The following FGF6 variants were observed in gnomAD, a reference collection of about 807,000 sequenced individuals.
FGF6 encodes the protein FGF-6.
In FGF6, 14 loss-of-function variants were observed where a neutral mutation model predicts 18.4. That is an observed-to-expected ratio of 0.76 (90% CI 0.50 to 1.19). The LOEUF is 1.19. Ranked by LOEUF, FGF6 falls within the 50% of genes most tolerant of loss-of-function variation. FGF6 has a pLI of 0.00. For synonymous variants in FGF6, 125 were observed against 116.7 expected, an observed-to-expected ratio of 1.07 and a Z score of -0.46; for missense variants, 266 against 271.6, an observed-to-expected ratio of 0.98 and a Z score of 0.15.
intron 2 of FGF6, among the ~76,000 whole-genome samples, chr12:4,443,436 G>T (rs368824352): frequency 4.6e-5 from 7 of 152,324 alleles, no homozygotes; most frequent in African/African-American, 1.7e-4. Context: ...ATGATGGGCC[G>T]AGGGCTGCAG....
intron 2 of FGF6, among the ~76,000 whole-genome samples, chr12:4,440,680 C>T (rs1298263277): frequency 1.3e-5 from 2 of 152,206 alleles, no homozygotes; most frequent in Non-Finnish European, 2.9e-5. Context: ...TCTTCTCACT[C>T]CAGTGCAGCT....
intron 2 of FGF6, among the ~76,000 whole-genome samples, chr12:4,437,631 G>A (rs1226169562): frequency 6.6e-6 from 1 of 152,158 alleles, no homozygotes; most frequent in Non-Finnish European, 1.5e-5. Flanking sequence ...ACAACATAGA[G>A]TCCAGCAGTA....
rs1015513735 is a variant in FGF6, at chr12:4,445,700, C to A, written c.-130G>T. The A allele has an allele frequency of 2.6e-6, 2 of 756,250 alleles. No individual in the cohort carries two copies. Among genetic ancestry groups the A allele is most frequent in the South Asian group, 3.8e-5 (2 of 52,996 alleles). The allele number at this position is 756,250 out of a possible 1,614,324, so 46.8% of individuals were successfully genotyped here. On this transcript the variant is annotated 5_prime_UTR_variant, in exon 1 of 3. Coordinates refer to ENST00000228837, the MANE Select transcript of FGF6 (RefSeq NM_020996.3). This position sits in a 1 kb window ranked among gnomAD's most constrained non-coding sequence, Gnocchi z 5.5. ...CAGATGAAGGCTGCTGACATGAAAC[C>A]AAAGCCTCCATCGGGCACTCGGGTT...
intron 2 of FGF6, among the ~76,000 whole-genome samples, chr12:4,441,283 C>T (rs17177263): frequency 0.014 from 2,165 of 152,204 alleles, 25 homozygotes; most frequent in Non-Finnish European, 0.021. Context: ...CAAAGTAAGA[C>T]GAGTAGCTGG....
Position 4,434,236 on chromosome 12 carries a change from A to G in FGF6, c.606T>C (p.Thr202=). 1.2e-6 allele frequency: 2 copies of G among 1,614,094 alleles called. No homozygotes were observed. Among genetic ancestry groups the G allele is most frequent in the Non-Finnish European group, 1.7e-6 (2 of 1,180,020 alleles). The part of the protein sequence containing the change: ...GSKVSPIMTV[T]HFLPRI Reference sequence around the variant, plus strand: ...GTCCTTAGATCCTGGGAAGGAAATGAGTGACAGTCATGATCGGGGACACCT... The same window carrying G: ...GTCCTTAGATCCTGGGAAGGAAATGGGTGACAGTCATGATCGGGGACACCT... Residue 202 remains threonine (T), a synonymous_variant, in exon 3 of 3, where the codon ACT becomes ACC. Transcript: ENST00000228837.
chr12:4,434,515 C>G, intron 2 of FGF6, 124 bp from the exon 3 acceptor site: 1 of 846,486 alleles, frequency 1.2e-6, no homozygotes. Context: ...GTGAGACAAC[C>G]ACCGTGAGGT....
chr12:4,439,464 A>C (rs1009984863), intron 2 of FGF6, among the ~76,000 whole-genome samples: 1 of 152,192 alleles, frequency 6.6e-6, no homozygotes, highest in Admixed American at 6.5e-5. Context: ...TGACTTGGAC[A>C]AGAAACTCTC....
chr12:4,434,179 G>A lies in FGF6; in HGVS notation c.*36C>T, dbSNP rs1466023731. The stretch of plus-strand genomic sequence containing the variant: ...GGTGCAAAATTTCAATCGAACAGAT[G>A]ATGCTTTAAATCTGTGAGCCTTCTT... On this transcript the variant is annotated 3_prime_UTR_variant, in exon 3 of 3. Coordinates refer to ENST00000228837, the MANE Select transcript of FGF6 (RefSeq NM_020996.3). 5.0e-6 allele frequency: 8 copies of A among 1,603,390 alleles called. No individual in the cohort carries two copies. The highest frequency in any genetic ancestry group is 6.8e-6 in the Non-Finnish European group (8 of 1,171,518).
At chr12:4,441,398 T>C (rs1865689256) in intron 2 of FGF6, among the ~76,000 whole-genome samples, 1 of 152,186 alleles carries the variant, frequency 6.6e-6, no homozygotes, top group Non-Finnish European at 1.5e-5. Context: ...TGTCCGCAGC[T>C]GCACAGGGAG....
At position 4,444,344 on chromosome 12, in the gene FGF6, C is replaced by G. The variant is rs1378659399; in HGVS notation, c.347-108G>C. ...ATCCCCCTTCTCCTAGAAAGCCAGA[C>G]TCTCCATTGCCCCATCCATGATCCC... On this transcript the variant is annotated intron_variant, in intron 1 of 2. Coordinates refer to ENST00000228837, the MANE Select transcript of FGF6 (RefSeq NM_020996.3). The G allele has an allele frequency of 5.6e-6, 4 of 708,678 alleles. 1 individual carries two copies. Among genetic ancestry groups the G allele is most frequent in the Non-Finnish European group, 9.9e-6 (4 of 402,448 alleles). The allele number at this position is 708,678 out of a possible 1,614,324, so 43.9% of individuals were successfully genotyped here. A position where few individuals can be genotyped will look rare whatever the true frequency, so the allele number is the denominator to read the frequency against.
At position 4,434,282 on chromosome 12, in the gene FGF6, C is replaced by T; in HGVS notation, c.560G>A (p.Gly187Glu). The change falls in exon 3 of 3, where the codon GGA becomes GAA. Residue 187 changes from glycine to glutamate, a missense_variant. Gly to Glu is a moderately conservative substitution (Grantham distance 98, BLOSUM62 -2). Transcript: ENST00000228837. ...QGTYIALSKYGRVKRGSKVSP... is the reference protein window; with the variant it reads ...QGTYIALSKYERVKRGSKVSP... ...CACCTTGCTGCCCCGCTTTACCCGT[C>T]CGTATTTGCTCAGGGCAATGTAGGT... 3.1e-6 allele frequency: 5 copies of T among 1,614,172 alleles called. No individual in the cohort carries two copies. The highest frequency in any genetic ancestry group is 4.2e-6 in the Non-Finnish European group (5 of 1,180,042).
At position 4,439,570 on chromosome 12, in the gene FGF6, A is replaced by G. The variant is rs144494871; in HGVS notation, c.450+4563T>C. 1.2e-3 allele frequency among the ~76,000 whole-genome samples: 179 copies of G among 152,224 alleles called. 1 individual carries two copies. Among genetic ancestry groups the G allele is most frequent in the African/African-American group, 4.1e-3 (169 of 41,542 alleles). On this transcript the variant is annotated intron_variant, in intron 2 of 2. Coordinates refer to ENST00000228837, the MANE Select transcript of FGF6 (RefSeq NM_020996.3). ...TCTCCTAAAACATGATTGTTTAAGCATGCATGACCATGGATGCGTAGATTG... is the reference window on the plus strand; with the variant it reads ...TCTCCTAAAACATGATTGTTTAAGCGTGCATGACCATGGATGCGTAGATTG...
At chr12:4,443,556 G>T (rs1865716914) in intron 2 of FGF6, among the ~76,000 whole-genome samples, 1 of 152,208 alleles carries the variant, frequency 6.6e-6, no homozygotes, top group African/African-American at 2.4e-5. Context: ...TGGGGGTGGG[G>T]ATGGGAATGG....
At chr12:4,442,376 C>A (rs528966112) in intron 2 of FGF6, among the ~76,000 whole-genome samples, 5 of 152,198 alleles carry the variant, frequency 3.3e-5, no homozygotes, top group African/African-American at 9.6e-5. Flanking sequence ...CTTCCAGGGC[C>A]AAGAGATTGA....
intron 2 of FGF6, among the ~76,000 whole-genome samples, chr12:4,438,616 C>A (rs574236633): frequency 6.6e-6 from 1 of 151,912 alleles, no homozygotes; most frequent in Admixed American, 6.6e-5. Context: ...AAAAAATTAG[C>A]TGGGCATGGT....
chr12:4,443,905 C>A (rs543641050), intron 2 of FGF6, among the ~76,000 whole-genome samples: 1 of 152,114 alleles, frequency 6.6e-6, no homozygotes, highest in East Asian at 1.9e-4. Context: ...ACACGGGCTC[C>A]GGCCGGCAGG....
intron 2 of FGF6, among the ~76,000 whole-genome samples, chr12:4,435,119 G>C (rs959514558): frequency 2.6e-5 from 4 of 152,038 alleles, no homozygotes; most frequent in Non-Finnish European, 5.9e-5. Context: ...GTCTAGAAGA[G>C]GTCTGGTACC....
intron 2 of FGF6, among the ~76,000 whole-genome samples, chr12:4,436,765 C>G (rs1316991191): frequency 2.0e-5 from 3 of 152,246 alleles, no homozygotes; most frequent in Non-Finnish European, 4.4e-5. Flanking sequence ...TTTTCCCCAT[C>G]TTCTTCTCTC....
chr12:4,444,457 T>A (rs1222890414), intron 1 of FGF6, among the ~76,000 whole-genome samples: 1 of 152,240 alleles, frequency 6.6e-6, no homozygotes, highest in Admixed American at 6.5e-5. Flanking sequence ...AAGGTTCTGA[T>A]AGCAGAGTTA....
Sources: gnomAD v4.1 joint callset for allele counts (sites outside exome capture counted in the v4.1 genomes callset) on GRCh38, gnomAD v4.1.1 for gene constraint, Gnocchi (gnomAD v3.1) non-coding constraint, MANE v1.5 for transcripts, NCBI Gene and HGNC (gene_info 2026-07-23, HGNC 2026-07-21) for gene names.